TOX: variants seen among roughly 807,000 people sequenced by gnomAD.
The protein encoded by TOX is thymocyte selection-associated high mobility group box protein TOX.
A neutral mutation model predicts 53.7 loss-of-function variants in TOX; 11 were observed. The ratio of observed to expected loss-of-function variants is 0.20; its 90% CI spans 0.13 to 0.34. The LOEUF (loss-of-function observed/expected upper bound fraction) is 0.34, where lower values mean the gene tolerates loss of function less well. TOX is among the 10% of genes least tolerant of loss of function. The pLI is 1.00. For synonymous variants in TOX, 225 were observed against 245.3 expected (o/e 0.92, Z 0.77); for missense variants, 570 against 664.6 (o/e 0.86, Z 1.56).
intron 4 of TOX, among the ~76,000 whole-genome samples, chr8:58,838,697 G>GTTTTTTTTTTTTT (rs1810590539): frequency 3.9e-5 from 3 of 76,678 alleles, no homozygotes; most frequent in South Asian, 4.4e-4. Flanking sequence ...AGTTATCCTT[G>GTTTTTTTTTTTTT]TCTTTTTTTT....
intron 1 of TOX, among the ~76,000 whole-genome samples, chr8:59,111,782 GCTT>G (rs1437208209): frequency 6.6e-6 from 1 of 152,152 alleles, no homozygotes; most frequent in East Asian, 1.9e-4. Context: ...CACTGGCAAA[GCTT>G]CTTATCAACC....
chr8:58,962,374 A>C (rs1405982445), intron 1 of TOX, among the ~76,000 whole-genome samples: 3 of 152,208 alleles, frequency 2.0e-5, no homozygotes, highest in Non-Finnish European at 4.4e-5. Context: ...GTATTAACTG[A>C]TTTAAGCATC....
chr8:58,816,341 C>G (rs1299871539), intron 6 of TOX, among the ~76,000 whole-genome samples: 1 of 152,118 alleles, frequency 6.6e-6, no homozygotes, highest in Non-Finnish European at 1.5e-5. Flanking sequence ...GATGAATTGT[C>G]CTCCATAATG....
chr8:58,840,430 G>A (rs1157761974), intron 4 of TOX, among the ~76,000 whole-genome samples: 1 of 152,026 alleles, frequency 6.6e-6, no homozygotes, highest in African/African-American at 2.4e-5. Flanking sequence ...TCGACAAACT[G>A]GCATAACAAT....
intron 1 of TOX, among the ~76,000 whole-genome samples, chr8:59,060,747 C>T (rs1803970080): frequency 1.3e-5 from 2 of 152,182 alleles, no homozygotes; most frequent in Admixed American, 6.5e-5. Context: ...CCTGTTATGC[C>T]ATTCAATTCT....
intron 1 of TOX, among the ~76,000 whole-genome samples, chr8:58,966,859 T>C (rs974849097): frequency 4.0e-5 from 6 of 150,082 alleles, no homozygotes; most frequent in Non-Finnish European, 4.4e-5. Flanking sequence ...ACCAAACTTA[T>C]GATTCAAGTT....
chr8:58,987,188 G>A (rs907578016), intron 1 of TOX, among the ~76,000 whole-genome samples: 5 of 152,146 alleles, frequency 3.3e-5, no homozygotes, highest in Admixed American at 2.0e-4. Flanking sequence ...ATAACGACAC[G>A]ATTTTCCCTT....
rs10112681 is a variant in TOX at position 58,996,925 on chromosome 8, T to C, written c.103-36917A>G. 8.0e-3 allele frequency among the ~76,000 whole-genome samples: 1,219 copies of C among 152,324 alleles called. 22 individuals carry two copies. The highest frequency in any genetic ancestry group is 0.028 in the African/African-American group (1,167 of 41,572). On this transcript the variant is annotated intron_variant, in intron 1 of 8. Transcript: ENST00000361421. ...ACAGTCCCCATTTCAGCCTCCTCTA[T>C]TGGAGACCTTCCTCTAGAGGTTTGT...
intron 3 of TOX, among the ~76,000 whole-genome samples, chr8:58,891,166 T>C (rs1040239502): frequency 6.6e-6 from 1 of 151,984 alleles, no homozygotes; most frequent in Admixed American, 6.6e-5. Context: ...TAGCGATCTT[T>C]AGGAACAGCG....
intron 1 of TOX, among the ~76,000 whole-genome samples, chr8:59,035,477 C>T (rs569672684): frequency 1.7e-4 from 26 of 152,310 alleles, no homozygotes; most frequent in African/African-American, 4.8e-4. Flanking sequence ...TGGGCTCAAA[C>T]GATCCTCTGT....
chr8:58,858,755 A>G (rs1810957676), intron 3 of TOX, among the ~76,000 whole-genome samples: 1 of 152,164 alleles, frequency 6.6e-6, no homozygotes, highest in African/African-American at 2.4e-5. Flanking sequence ...GGTCCCTTTT[A>G]TACACACTAT....
intron 1 of TOX, among the ~76,000 whole-genome samples, chr8:59,081,457 C>T (rs575229602): frequency 1.1e-3 from 165 of 152,268 alleles, no homozygotes; most frequent in Non-Finnish European, 1.0e-3. Flanking sequence ...AAGATTCTTG[C>T]AACTCCCTGA....
chr8:58,809,375 CT>C (rs1810040597), intron 7 of TOX, among the ~76,000 whole-genome samples: 1 of 152,214 alleles, frequency 6.6e-6, no homozygotes, highest in Non-Finnish European at 1.5e-5. Context: ...CCTCCTTAGA[CT>C]TTTATTCATG....
intron 1 of TOX, among the ~76,000 whole-genome samples, chr8:59,112,521 C>T (rs959609361): frequency 1.3e-5 from 2 of 152,088 alleles, no homozygotes; most frequent in Non-Finnish European, 2.9e-5. Context: ...TAACACAATT[C>T]GTTATCAATC....
chr8:58,834,459 C>T (rs1421902896), intron 5 of TOX, among the ~76,000 whole-genome samples: 1 of 152,146 alleles, frequency 6.6e-6, no homozygotes, highest in Non-Finnish European at 1.5e-5. Context: ...TATGTGTGTT[C>T]CCCAACTTGA....
chr8:59,081,758 C>A (rs894620895), intron 1 of TOX, among the ~76,000 whole-genome samples: 1 of 151,940 alleles, frequency 6.6e-6, no homozygotes, highest in South Asian at 2.1e-4. Context: ...GATGGTGAGG[C>A]GGTGGATAAA....
intron 3 of TOX, among the ~76,000 whole-genome samples, chr8:58,852,963 C>T (rs2129168369): frequency 1.3e-5 from 2 of 152,212 alleles, no homozygotes; most frequent in South Asian, 4.2e-4. Flanking sequence ...AATTAAGTAA[C>T]CTAGTCATAG....
chr8:59,029,154 A>T (rs1287237311), intron 1 of TOX, among the ~76,000 whole-genome samples: 1 of 152,140 alleles, frequency 6.6e-6, no homozygotes, highest in Non-Finnish European at 1.5e-5. Flanking sequence ...AAATGACTTC[A>T]GTCTATTTCT....
chr8:59,056,431 GAAA>G (rs397697554), intron 1 of TOX, among the ~76,000 whole-genome samples: 3 of 56,294 alleles, frequency 5.3e-5, no homozygotes, highest in Non-Finnish European at 8.6e-5. Context: ...GGCCCTCTCC[GAAA>G]AAAAAAAAAA....
Sources: gnomAD v4.1 joint callset for allele counts (sites outside exome capture counted in the v4.1 genomes callset) on GRCh38, gnomAD v4.1.1 for gene constraint, MANE v1.5 for transcripts, NCBI Gene and HGNC (gene_info 2026-07-23, HGNC 2026-07-21) for gene names.